SGSM2: variants seen among roughly 807,000 people sequenced by gnomAD.
SGSM2 encodes RUN and TBC1 domain containing 1.
In SGSM2, 89 loss-of-function variants were observed where a neutral mutation model predicts 126.6. That is an observed-to-expected ratio of 0.70 (90% CI 0.59 to 0.84). The LOEUF is 0.84. SGSM2 is among the 40% of genes least tolerant of loss of function. The pLI is 0.00. For synonymous variants in SGSM2, 614 were observed against 574.3 expected (o/e 1.07, Z -0.99); for missense variants, 1,404 against 1,416.6 (o/e 0.99, Z 0.14).
In SGSM2 at chr17:2,372,319, G is replaced by C; in HGVS notation, c.1643-24G>C. On this transcript the variant is annotated intron_variant, in intron 14 of 23. Transcript: ENST00000268989. The surrounding 1 kb of genome is among the most constrained non-coding windows in gnomAD (Gnocchi z 6.0). ...GGGCGGCCCTGGGTCCCAGCCTCCT[G>C]CTGCCCACCGCTGCCCACCGCAGGG... The C allele has an allele frequency of 6.2e-7, 1 of 1,602,304 alleles. No individual in the cohort carries two copies. Among genetic ancestry groups the C allele is most frequent in the Non-Finnish European group, 8.5e-7 (1 of 1,174,688 alleles).
intron 2 of SGSM2, among the ~76,000 whole-genome samples, chr17:2,344,653 A>G (rs1289837026): frequency 6.6e-6 from 1 of 152,198 alleles, no homozygotes; most frequent in East Asian, 1.9e-4. Context: ...CAGGAAACAA[A>G]TGCGCAAGTA....
Position 2,340,827 on chromosome 17 carries a change from G to A in SGSM2, c.58-2718G>A, listed in dbSNP as rs544378935. Among the ~76,000 whole-genome samples the A allele has an allele frequency of 3.3e-3, 501 of 151,664 alleles. 3 individuals are homozygous for A. Among genetic ancestry groups the A allele is most frequent in the African/African-American group, 0.01 (431 of 41,374 alleles). ...TCTCGATCTCCTGACCTCGTGATCC[G>A]CCCACCTTGGCCTCCCAAAGTGCTG... On this transcript the variant is annotated intron_variant, in intron 1 of 23. Coordinates refer to ENST00000268989, the MANE Select transcript of SGSM2 (RefSeq NM_014853.3).
At position 2,380,281 on chromosome 17, in the gene SGSM2, C is replaced by G; in HGVS notation, c.*761C>G. On this transcript the variant is annotated 3_prime_UTR_variant, in exon 24 of 24. Transcript: ENST00000268989. ...CTGCATTAGGTACTTCCCTGAAAACCACGTGTAAGAAGTGATGCTTTTGCC... is the reference window on the plus strand; with the variant it reads ...CTGCATTAGGTACTTCCCTGAAAACGACGTGTAAGAAGTGATGCTTTTGCC... 6.5e-7 allele frequency: 1 copy of G among 1,535,996 alleles called. No individual in the cohort carries two copies. The highest frequency in any genetic ancestry group is 8.7e-7 in the Non-Finnish European group (1 of 1,146,896).
chr17:2,361,538 C>G, intron 2 of SGSM2, 99 bp from the exon 3 acceptor site: 1 of 1,469,792 alleles, frequency 6.8e-7, no homozygotes, highest in Non-Finnish European at 9.3e-7. Context: ...CTTGGCTTGC[C>G]CTTACCCCTT....
At position 2,375,734 on chromosome 17, in the gene SGSM2, C is replaced by G; in HGVS notation, c.2343C>G (p.Gly781=). 1 of 1,608,276 alleles carries G rather than the reference C, an allele frequency of 6.2e-7. No individual in the cohort carries two copies. The highest frequency in any genetic ancestry group is 8.5e-7 in the Non-Finnish European group (1 of 1,176,064). Residue 781 remains glycine, a synonymous_variant, in exon 18 of 24, where the codon GGC becomes GGG. Coordinates refer to ENST00000268989, the MANE Select transcript of SGSM2 (RefSeq NM_014853.3). ...GCGTGGGCTTCGAAGAGGAGGACGG[C>G]GGTGGGGAGGAAGGCTCCAGTGGGC... is the stretch of plus-strand genomic sequence containing the variant. The part of the protein sequence containing the change: ...GQSVGFEEED[G]GGEEGSSGPG...
At chr17:2,365,479 C>T in intron 11 of SGSM2, 138 bp downstream of exon 11, 2 of 1,031,026 alleles carry the variant, frequency 1.9e-6, no homozygotes, top group Non-Finnish European at 2.7e-6. Context: ...CGCCTAGCCT[C>T]TCAGCTGGAC....
rs938085862 is a variant in SGSM2, at chr17:2,367,192, A to G, written c.1289-79A>G. The stretch of plus-strand genomic sequence containing the variant: ...TCACGATGACCCCGGCCTCCATTCC[A>G]CTCCCCTTAAGGAGGGAGTCCGTCC... On this transcript the variant is annotated intron_variant, in intron 11 of 23. Coordinates refer to ENST00000268989, the MANE Select transcript of SGSM2 (RefSeq NM_014853.3). This position sits in a 1 kb window ranked among gnomAD's most constrained non-coding sequence, Gnocchi z 4.0. The G allele has an allele frequency of 3.9e-5, 57 of 1,479,906 alleles. No homozygotes were observed. The highest frequency in any genetic ancestry group is 4.8e-5 in the Non-Finnish European group (53 of 1,103,826). 91.7% of individuals were successfully genotyped at this position (1,479,906 alleles called of 1,614,324 possible). A position where few individuals can be genotyped will look rare whatever the true frequency, so the allele number is the denominator to read the frequency against.
chr17:2,363,751 C>G lies in SGSM2; in HGVS notation c.807+152C>G. On this transcript the variant is annotated intron_variant, in intron 7 of 23. Coordinates refer to ENST00000268989, the MANE Select transcript of SGSM2 (RefSeq NM_014853.3). This position sits in a 1 kb window ranked among gnomAD's most constrained non-coding sequence, Gnocchi z 4.2. ...TCCCAACTCCCTGTTTCACACGACT[C>G]ACGCCCAGCCTTTAGTTGGCAGGGG... The G allele has an allele frequency of 4.2e-6, 5 of 1,186,332 alleles. No individual in the cohort carries two copies. The highest frequency in any genetic ancestry group is 5.8e-6 in the Non-Finnish European group (5 of 857,406). 73.5% of individuals were successfully genotyped at this position (1,186,332 alleles called of 1,614,324 possible).
At chr17:2,365,575 TC>T (rs2065529992) in intron 11 of SGSM2, among the ~76,000 whole-genome samples, 1 of 152,134 alleles carries the variant, frequency 6.6e-6, no homozygotes, top group East Asian at 1.9e-4. Flanking sequence ...GACTCTTGGC[TC>T]AGCAGACCTA....
At chr17:2,350,181 C>T (rs1215211660) in intron 2 of SGSM2, among the ~76,000 whole-genome samples, 1 of 151,892 alleles carries the variant, frequency 6.6e-6, no homozygotes, top group Admixed American at 6.6e-5. Flanking sequence ...CTCGGTCTCC[C>T]AAAGTGCTGG....
chr17:2,371,169 GC>G (rs1436214320), intron 12 of SGSM2, 92 bp from the exon 13 acceptor site: 8 of 1,368,476 alleles, frequency 5.8e-6, no homozygotes, highest in Non-Finnish European at 5.8e-6. Flanking sequence ...GTGACTTGAT[GC>G]TGCAGCTCTG....
chr17:2,364,421 C>T, intron 8 of SGSM2, 175 bp from the exon 9 acceptor site: 1 of 818,714 alleles, frequency 1.2e-6, no homozygotes, highest in Middle Eastern at 2.5e-4. Flanking sequence ...GACAGCTGTC[C>T]ATGTGCCGAG....
chr17:2,341,273 A>G (rs2064358127), intron 1 of SGSM2, among the ~76,000 whole-genome samples: 1 of 152,036 alleles, frequency 6.6e-6, no homozygotes, highest in Admixed American at 6.5e-5. Context: ...ACCCACCACC[A>G]TGCTTGGCTA....
In SGSM2 at chr17:2,373,373, G is replaced by A; in HGVS notation, c.1960G>A (p.Glu654Lys). Residue 654 changes from glutamate (E) to lysine (K), a missense_variant, in exon 17 of 24, where the codon GAG (glutamate) becomes AAG (lysine). Coordinates refer to ENST00000268989, the MANE Select transcript of SGSM2 (RefSeq NM_014853.3). Reference protein sequence around the residue: ...VAARYQQVLAEWKACEVVVRQ... With the variant: ...VAARYQQVLAKWKACEVVVRQ... ...AGCAAGGTACCAGCAGGTGTTGGCA[G>A]AGTGGAAGGCCTGCGAGGTGGTGGT... is the stretch of plus-strand genomic sequence containing the variant. 1 of 1,613,166 alleles carries A rather than the reference G, an allele frequency of 6.2e-7. No homozygotes were observed. The highest frequency in any genetic ancestry group is 8.5e-7 in the Non-Finnish European group (1 of 1,180,002).
rs1480444904 is a variant in SGSM2 at position 2,362,480 on chromosome 17, C to T, written c.458+210C>T. Among the ~76,000 whole-genome samples, 3 of 149,894 alleles carry T rather than the reference C, an allele frequency of 2.0e-5. No individual in the cohort carries two copies. The highest frequency in any genetic ancestry group is 7.4e-5 in the African/African-American group (3 of 40,540). ...CCGTTCCCCAAAAACTGCAGGTGAC[C>T]GCCCCGTTCCCCAAAAACTGCAGGT... is the stretch of plus-strand genomic sequence containing the variant. On this transcript the variant is annotated intron_variant, in intron 4 of 23. Coordinates refer to ENST00000268989, the MANE Select transcript of SGSM2 (RefSeq NM_014853.3). This position sits in a 1 kb window ranked among gnomAD's most constrained non-coding sequence, Gnocchi z 4.9.
intron 12 of SGSM2, among the ~76,000 whole-genome samples, chr17:2,368,597 C>T (rs2065706304): frequency 6.6e-6 from 1 of 152,208 alleles, no homozygotes; most frequent in Admixed American, 6.5e-5. Context: ...AGAACACACC[C>T]AGCACACCCT....
At chr17:2,371,597 C>T in intron 13 of SGSM2, 182 bp downstream of exon 13, 1 of 691,952 alleles carries the variant, frequency 1.4e-6, no homozygotes, top group Non-Finnish European at 2.3e-6. Flanking sequence ...CCATGAGCCT[C>T]TACGTTTCTG....
At position 2,375,862 on chromosome 17, in the gene SGSM2, C is replaced by T. The variant is rs1021013282; in HGVS notation, c.2471C>T (p.Ala824Val). The T allele has an allele frequency of 3.9e-6, 6 of 1,523,446 alleles. No homozygotes were observed. The highest frequency in any genetic ancestry group is 2.0e-5 in the Admixed American group (1 of 49,394). 94.4% of individuals were successfully genotyped at this position (1,523,446 alleles called of 1,614,324 possible). A position where few individuals can be genotyped will look rare whatever the true frequency, so the allele number is the denominator to read the frequency against. ...EAGEELAAVC[A>V]AAYTIELLDT... ...GGAGAGGAGCTTGCGGCTGTGTGTG[C>T]GGCTGCCTACACTGTGCGTACATGC... The change falls in exon 18 of 24, where the codon GCG (alanine) becomes GTG (valine). Residue 824 changes from alanine (A) to valine (V), a missense_variant. By Grantham distance (64) the Ala-to-Val change is moderately conservative. Coordinates refer to ENST00000268989, the MANE Select transcript of SGSM2 (RefSeq NM_014853.3).
Position 2,379,798 on chromosome 17 carries a change from A to C in SGSM2, c.*278A>C. 6.0e-6 allele frequency: 8 copies of C among 1,343,896 alleles called. No individual in the cohort carries two copies. The highest frequency in any genetic ancestry group is 7.7e-6 in the Non-Finnish European group (8 of 1,044,062). 83.2% of individuals were successfully genotyped at this position (1,343,896 alleles called of 1,614,324 possible). On this transcript the variant is annotated 3_prime_UTR_variant, in exon 24 of 24. Coordinates refer to ENST00000268989, the MANE Select transcript of SGSM2 (RefSeq NM_014853.3). ...TCTGCTCCCCTCTCACACATCTGGG[A>C]GTAGCCCCACTGCCACCTGCAGCCG...
Sources: allele counts gnomAD v4.1 joint callset (sites outside exome capture counted in the v4.1 genomes callset), GRCh38; gene constraint gnomAD v4.1.1; non-coding constraint Gnocchi (gnomAD v3.1); transcripts MANE v1.5; gene names NCBI Gene and HGNC (gene_info 2026-07-23, HGNC 2026-07-21).